The following CELF4 variants were observed in gnomAD, a reference collection of about 807,000 sequenced individuals.
CELF4 encodes the protein CUG-BP- and ETR-3-like factor 4.
Under a neutral mutation model 59.9 loss-of-function variants are expected in CELF4, and 18 were observed. The observed-to-expected ratio is 0.30, with a 90% CI of 0.21 to 0.45. The LOEUF (loss-of-function observed/expected upper bound fraction) is 0.45. CELF4 is among the 20% of genes least tolerant of loss of function. CELF4 has a pLI of 1.00. For missense variants in CELF4, 456 were observed against 689.0 expected (o/e 0.66, Z 3.79); for synonymous variants, 261 against 267.1 (o/e 0.98, Z 0.22).
At chr18:37,525,039 C>G (rs897431890) in intron 1 of CELF4, among the ~76,000 whole-genome samples, 1 of 152,228 alleles carries the variant, frequency 6.6e-6, no homozygotes, top group African/African-American at 2.4e-5. Flanking sequence ...AACCACCTCT[C>G]TTTCCTAGGG....
chr18:37,319,096 T>C (rs2096983344), intron 3 of CELF4, among the ~76,000 whole-genome samples: 1 of 152,204 alleles, frequency 6.6e-6, no homozygotes, highest in African/African-American at 2.4e-5. Flanking sequence ...TGCCCATCCA[T>C]GACAGCTTCC....
intron 1 of CELF4, among the ~76,000 whole-genome samples, chr18:37,518,605 G>T (rs961685042): frequency 6.6e-6 from 1 of 152,062 alleles, no homozygotes; most frequent in African/African-American, 2.4e-5. Context: ...CCCTCCCAGG[G>T]TACAAAGCCC....
At chr18:37,399,226 T>C (rs1305979593) in intron 2 of CELF4, among the ~76,000 whole-genome samples, 2 of 152,186 alleles carry the variant, frequency 1.3e-5, no homozygotes, top group East Asian at 1.9e-4. Context: ...ATTTAAGAGG[T>C]GATTAGGTCA....
chr18:37,559,239 A>T (rs959955847), intron 1 of CELF4, among the ~76,000 whole-genome samples: 3 of 152,038 alleles, frequency 2.0e-5, no homozygotes, highest in Admixed American at 1.3e-4. Context: ...TAGCCTTGCA[A>T]GATTAAACTG....
intron 3 of CELF4, among the ~76,000 whole-genome samples, chr18:37,279,450 A>C (rs1259086052): frequency 6.6e-6 from 1 of 152,132 alleles, no homozygotes; most frequent in Non-Finnish European, 1.5e-5. Context: ...AGCACAACAA[A>C]ATCCGCTGAC....
chr18:37,428,847 C>T (rs2099630539), intron 2 of CELF4, among the ~76,000 whole-genome samples: 1 of 152,180 alleles, frequency 6.6e-6, no homozygotes, highest in South Asian at 2.1e-4. Flanking sequence ...TGAGAACAGG[C>T]CTTCTTTATT....
At chr18:37,402,996 G>A (rs1014624105) in intron 2 of CELF4, among the ~76,000 whole-genome samples, 8 of 152,200 alleles carry the variant, frequency 5.3e-5, no homozygotes, top group African/African-American at 1.9e-4. Context: ...TTGTGGCTCC[G>A]TGGGGGTGGC....
At chr18:37,444,723 A>G (rs1420332975) in intron 2 of CELF4, among the ~76,000 whole-genome samples, 7 of 150,102 alleles carry the variant, frequency 4.7e-5, no homozygotes, top group African/African-American at 1.7e-4. Flanking sequence ...GTTCCTGGGT[A>G]TGGGGTGTTT....
chr18:37,274,353 G>A lies in CELF4; in HGVS notation c.759C>T (p.Pro253=). The change falls in exon 6 of 13, where the codon CCC becomes CCT. Residue 253 remains proline, a synonymous_variant. Coordinates refer to ENST00000420428, the MANE Select transcript of CELF4 (RefSeq NM_020180.4). ...CGTAGGCCCCGAAAGGGATGGCCATGGGGTTGAACATGCCCATCTGGCCAG... is the reference window on the plus strand; with the variant it reads ...CGTAGGCCCCGAAAGGGATGGCCATAGGGTTGAACATGCCCATCTGGCCAG... ...QMAGQMGMFN[P]MAIPFGAYGA... 2.5e-6 allele frequency: 4 copies of A among 1,613,532 alleles called. No individual in the cohort carries two copies. Among genetic ancestry groups the A allele is most frequent in the Non-Finnish European group, 3.4e-6 (4 of 1,179,948 alleles).
At position 37,274,371 on chromosome 18, in the gene CELF4, C is replaced by A. The variant is rs573501189; in HGVS notation, c.741G>T (p.Gln247His). The stretch of plus-strand genomic sequence containing the variant: ...TGGCCATGGGGTTGAACATGCCCAT[C>A]TGGCCAGCCATCTGCTGCATTCGCC... ...TMRRMQQMAG[Q>H]MGMFNPMAIP... The change falls in exon 6 of 13, where the codon CAG (glutamine) becomes CAT (histidine). Residue 247 changes from glutamine to histidine, a missense_variant. Gln to His is a conservative substitution (Grantham distance 24). Around this residue, in one of 7 missense-constraint regions of CELF4, gnomAD observed 256 missense variants for 340.8 expected, o/e 0.75. Transcript: ENST00000420428. The A allele has an allele frequency of 1.1e-5, 17 of 1,613,592 alleles. No individual in the cohort carries two copies. The highest frequency in any genetic ancestry group is 1.4e-5 in the Non-Finnish European group (16 of 1,179,954).
intron 1 of CELF4, among the ~76,000 whole-genome samples, chr18:37,544,215 G>C (rs149396682): frequency 6.7e-6 from 1 of 150,004 alleles, no homozygotes; most frequent in South Asian, 2.1e-4. Flanking sequence ...TATGTTTCAG[G>C]CTCTGTCAGA....
Position 37,270,834 on chromosome 18 carries a change from G to A in CELF4, c.1033C>T (p.Pro345Ser). Residue 345 changes from proline (P) to serine (S), a missense_variant, in exon 8 of 13, where the codon CCC (proline) becomes TCC (serine). By Grantham distance (74) the Pro-to-Ser change is moderately conservative. Coordinates refer to ENST00000420428, the MANE Select transcript of CELF4 (RefSeq NM_020180.4). The part of the protein sequence containing the change: ...PIGVNGFTGL[P>S]PQANGQPAAE... ...GCAGGTTGCCCATTGGCCTGTGGGG[G>A]GAGGCCGGTGAAGCCATTCACCCCA... is the stretch of plus-strand genomic sequence containing the variant. 6.2e-7 allele frequency: 1 copy of A among 1,613,890 alleles called. No individual in the cohort carries two copies. The highest frequency in any genetic ancestry group is 8.5e-7 in the Non-Finnish European group (1 of 1,179,952).
chr18:37,509,715 G>A (rs2099942082), intron 1 of CELF4, among the ~76,000 whole-genome samples: 1 of 152,200 alleles, frequency 6.6e-6, no homozygotes. Flanking sequence ...GTACATGCAT[G>A]TTCTCAGCAA....
intron 2 of CELF4, among the ~76,000 whole-genome samples, chr18:37,430,301 CT>C (rs2099640728): frequency 6.6e-6 from 1 of 152,202 alleles, no homozygotes; most frequent in Admixed American, 6.5e-5. Context: ...CCCTTGGAAA[CT>C]TTTCATCTCA....
At chr18:37,264,827 A>G in intron 9 of CELF4, 70 bp from the exon 10 acceptor site, 1 of 1,303,148 alleles carries the variant, frequency 7.7e-7, no homozygotes, top group Non-Finnish European at 1.1e-6. Flanking sequence ...AAAGAGAGAG[A>G]TTTCAGTGCA....
At chr18:37,350,169 C>T (rs1452246518) in intron 2 of CELF4, among the ~76,000 whole-genome samples, 2 of 152,078 alleles carry the variant, frequency 1.3e-5, no homozygotes, top group African/African-American at 4.8e-5. Flanking sequence ...GACAGGCACA[C>T]GATGGGAACA....
At chr18:37,353,953 C>T (rs980500289) in intron 2 of CELF4, among the ~76,000 whole-genome samples, 22 of 152,014 alleles carry the variant, frequency 1.4e-4, no homozygotes, top group Admixed American at 5.2e-4. Context: ...GACGGTGTTT[C>T]ACCGTGTTAG....
intron 2 of CELF4, among the ~76,000 whole-genome samples, chr18:37,476,310 G>T (rs969582788): frequency 3.9e-5 from 6 of 152,220 alleles, no homozygotes; most frequent in Non-Finnish European, 8.8e-5. Context: ...TGGGCACAGG[G>T]TTGGGCACAC....
At chr18:37,523,278 C>G (rs1421752858) in intron 1 of CELF4, among the ~76,000 whole-genome samples, 1 of 152,176 alleles carries the variant, frequency 6.6e-6, no homozygotes, top group Admixed American at 6.5e-5. Context: ...TGACATGGAT[C>G]CATTCTCATG....
Sources: allele counts gnomAD v4.1 joint callset (sites outside exome capture counted in the v4.1 genomes callset), GRCh38; gene constraint gnomAD v4.1.1; regional missense constraint gnomAD v4.1.1; transcripts MANE v1.5; gene names NCBI Gene and HGNC (gene_info 2026-07-23, HGNC 2026-07-21).